The following NOX4 variants were observed in gnomAD, a reference collection of about 807,000 sequenced individuals.
NOX4 encodes the protein NADPH oxidase 4, also known as kidney oxidase-1.
A neutral mutation model predicts 87.6 loss-of-function variants in NOX4; 69 were observed. The observed-to-expected ratio is 0.79, with a 90% CI of 0.65 to 0.96. The LOEUF (loss-of-function observed/expected upper bound fraction) is 0.96. NOX4 is among the 40% of genes least tolerant of loss of function. The pLI, the probability that NOX4 is intolerant of heterozygous loss-of-function variation, is 0.00. For missense variants in NOX4, 680 were observed against 681.5 expected, an observed-to-expected ratio of 1.00 and a Z score of 0.02; for synonymous variants, 275 against 238.2, an observed-to-expected ratio of 1.15 and a Z score of -1.42.
At position 89,485,113 on chromosome 11, in the gene NOX4, TA is replaced by T. The variant is rs1428898844; in HGVS notation, c.153+5344del. Reference sequence around the variant, plus strand: ...TCTGTCTCTGTAAAATGTTATGATATAACTTCTAGGACTCTTGAGAGGGTAA... The same window carrying T: ...TCTGTCTCTGTAAAATGTTATGATATACTTCTAGGACTCTTGAGAGGGTAA... On this transcript the variant is annotated intron_variant, in intron 2 of 17. Transcript: ENST00000263317. Among the ~76,000 whole-genome samples, 3 of 152,138 alleles carry T rather than the reference TA, an allele frequency of 2.0e-5. No individual in the cohort carries two copies. In the East Asian group the frequency reaches 5.8e-4, roughly 29 times the overall value.
chr11:89,378,581 C>T (rs1315794670), intron 11 of NOX4, among the ~76,000 whole-genome samples: 1 of 151,834 alleles, frequency 6.6e-6, no homozygotes, highest in Non-Finnish European at 1.5e-5. Context: ...GCACCTTACA[C>T]ATAGAAGGTA....
At chr11:89,524,286 A>C in the NOX4 span, among the ~76,000 whole-genome samples, 2 of 152,210 alleles carry the variant, frequency 1.3e-5, no homozygotes, top group Non-Finnish European at 2.9e-5. Flanking sequence ...TTTCTGGAAT[A>C]GTTTTGGAAA....
At chr11:89,515,626 A>C in the NOX4 span, among the ~76,000 whole-genome samples, 4 of 151,872 alleles carry the variant, frequency 2.6e-5, no homozygotes, top group Admixed American at 2.6e-4. Flanking sequence ...TATTTAAGAA[A>C]TATTTGCCTA....
chr11:89,533,059 T>C, the NOX4 span, among the ~76,000 whole-genome samples: 1 of 152,164 alleles, frequency 6.6e-6, no homozygotes, highest in South Asian at 2.1e-4. Flanking sequence ...AATGTGAAAA[T>C]GAACTAATAC....
intron 6 of NOX4, among the ~76,000 whole-genome samples, chr11:89,438,863 T>C (rs1227514017): frequency 3.1e-4 from 15 of 48,038 alleles, no homozygotes; most frequent in African/African-American, 1.6e-3. Flanking sequence ...ATATATTATA[T>C]ATTATATATA....
At chr11:89,422,491 T>C (rs1306167953) in intron 7 of NOX4, among the ~76,000 whole-genome samples, 1 of 152,170 alleles carries the variant, frequency 6.6e-6, no homozygotes, top group Non-Finnish European at 1.5e-5. Context: ...GTTATTGCTC[T>C]GGGGGAGGAC....
intron 2 of NOX4, among the ~76,000 whole-genome samples, chr11:89,470,553 C>T (rs745664544): frequency 6.6e-6 from 1 of 152,164 alleles, no homozygotes; most frequent in Non-Finnish European, 1.5e-5. Context: ...TCAGGACATA[C>T]ACTTTCCATC....
At chr11:89,492,870 G>A (rs2135504620), upstream of NOX4, among the ~76,000 whole-genome samples, 1 of 152,198 alleles carries the variant, frequency 6.6e-6, no homozygotes, top group East Asian at 1.9e-4. Flanking sequence ...GTTGAGAAGC[G>A]TGAAACAATT....
intron 12 of NOX4, among the ~76,000 whole-genome samples, chr11:89,356,135 C>T (rs1938027956): frequency 6.6e-6 from 1 of 151,734 alleles, no homozygotes; most frequent in Admixed American, 6.6e-5. Context: ...TGAAATAAAG[C>T]AAACCAATTA....
intron 2 of NOX4, among the ~76,000 whole-genome samples, chr11:89,461,616 A>G (rs140876875): frequency 0.064 from 8,830 of 137,054 alleles, 796 homozygotes; most frequent in African/African-American, 0.22. Context: ...CTGCACTCCG[A>G]CCTGGGCAAA....
chr11:89,579,040 A>C, the NOX4 span, among the ~76,000 whole-genome samples: 1 of 152,230 alleles, frequency 6.6e-6, no homozygotes, highest in African/African-American at 2.4e-5. Context: ...TTTAAGTGAA[A>C]GAAGCCAATC....
intron 7 of NOX4, 82 bp from the exon 8 acceptor site, chr11:89,422,064 A>T: frequency 1.4e-6 from 1 of 722,992 alleles, no homozygotes; most frequent in Non-Finnish European, 2.2e-6. Context: ...GTATCATTTC[A>T]AACATCTCAC....
chr11:89,367,278 T>C (rs1939080413), intron 12 of NOX4, among the ~76,000 whole-genome samples: 1 of 152,160 alleles, frequency 6.6e-6, no homozygotes, highest in Non-Finnish European at 1.5e-5. Context: ...GCCATTCATC[T>C]TCTGCTGCTA....
intron 11 of NOX4, among the ~76,000 whole-genome samples, chr11:89,390,937 C>T (rs1483929357): frequency 1.3e-5 from 2 of 152,110 alleles, no homozygotes; most frequent in Non-Finnish European, 2.9e-5. Context: ...AAATATTTCT[C>T]CTTTCTTCTT....
intron 11 of NOX4, among the ~76,000 whole-genome samples, chr11:89,387,985 G>C (rs1336046683): frequency 6.6e-6 from 1 of 152,110 alleles, no homozygotes; most frequent in Non-Finnish European, 1.5e-5. Context: ...GTCAACAAAT[G>C]GGTTCCAGCT....
At chr11:89,411,215 A>G (rs1365437154) in intron 8 of NOX4, among the ~76,000 whole-genome samples, 2 of 152,172 alleles carry the variant, frequency 1.3e-5, no homozygotes, top group Non-Finnish European at 2.9e-5. Context: ...TTGAATAACC[A>G]GCAGTGGTAC....
chr11:89,489,820 A>T (rs1199046729), intron 2 of NOX4, among the ~76,000 whole-genome samples: 1 of 152,192 alleles, frequency 6.6e-6, no homozygotes, highest in East Asian at 1.9e-4. Context: ...TCTTCTGTTA[A>T]GCAGTCAAAT....
At chr11:89,567,633 G>T in the NOX4 span, among the ~76,000 whole-genome samples, 1 of 152,154 alleles carries the variant, frequency 6.6e-6, no homozygotes, top group Admixed American at 6.5e-5. Flanking sequence ...AAAACCATCA[G>T]ATCTCATGAG....
At chr11:89,482,079 G>A (rs967242688) in intron 2 of NOX4, among the ~76,000 whole-genome samples, 2 of 151,978 alleles carry the variant, frequency 1.3e-5, no homozygotes, top group Admixed American at 1.3e-4. Context: ...CTTCTTTGAG[G>A]TAATGGAGGG....
Sources: gnomAD v4.1 joint callset for allele counts (sites outside exome capture counted in the v4.1 genomes callset) on GRCh38, gnomAD v4.1.1 for gene constraint, MANE v1.5 for transcripts, NCBI Gene and HGNC (gene_info 2026-07-23, HGNC 2026-07-21) for gene names.